SDK1: variants seen among roughly 807,000 people sequenced by gnomAD.
SDK1 encodes protein sidekick-1.
A neutral mutation model predicts 245.5 loss-of-function variants in SDK1; 157 were observed. That is an observed-to-expected ratio of 0.64 (90% CI 0.56 to 0.73). The LOEUF (loss-of-function observed/expected upper bound fraction) is 0.73. Among genes scored for constraint, SDK1 ranks in the 30% least tolerant of loss-of-function variants. SDK1 has a pLI of 0.00. For synonymous variants in SDK1, 1,647 were observed against 1,278.5 expected, an observed-to-expected ratio of 1.29 and a Z score of -6.15; for missense variants, 3,583 against 3,002.3, an observed-to-expected ratio of 1.19 and a Z score of -4.52.
At chr7:4,194,340 A>G (rs970418678) in intron 35 of SDK1, among the ~76,000 whole-genome samples, 1 of 126,774 alleles carries the variant, frequency 7.9e-6, no homozygotes, top group Non-Finnish European at 1.6e-5. Flanking sequence ...ATGTGTATAC[A>G]TGTATAGATA....
At chr7:3,841,997 T>G (rs1358371853) in intron 5 of SDK1, among the ~76,000 whole-genome samples, 1 of 152,168 alleles carries the variant, frequency 6.6e-6, no homozygotes, top group African/African-American at 2.4e-5. Flanking sequence ...TACTGACACC[T>G]CTCCTCCACC....
In SDK1 at chr7:3,608,026, G is replaced by C. The variant is rs562291537; in HGVS notation, c.299-11054G>C. Among the ~76,000 whole-genome samples, 4 of 152,312 alleles carry C rather than the reference G, an allele frequency of 2.6e-5. No homozygotes were observed. In the South Asian group the frequency reaches 8.3e-4, roughly 32 times the overall value. The stretch of plus-strand genomic sequence containing the variant: ...GTCCCCTTGTTGAGCTTTTGGCAAC[G>C]ATTTAAAAGCAGTCGTGAGAAAACT... On this transcript the variant is annotated intron_variant, in intron 1 of 44. Transcript: ENST00000404826.
At chr7:3,779,361 C>A (rs1434803357) in intron 4 of SDK1, among the ~76,000 whole-genome samples, 3 of 151,968 alleles carry the variant, frequency 2.0e-5, no homozygotes, top group Non-Finnish European at 2.9e-5. Flanking sequence ...ATTGTAGCTA[C>A]CAGAATGACA....
At chr7:3,754,601 C>G (rs6957538) in intron 4 of SDK1, among the ~76,000 whole-genome samples, 52,203 of 151,494 alleles carry the variant, frequency 0.34, 9,140 homozygotes, top group Middle Eastern at 0.45. Flanking sequence ...CTCCTTCCTC[C>G]CATCTCTTCC....
intron 21 of SDK1, 91 bp downstream of exon 21, chr7:4,077,280 C>T (rs1562775297): frequency 3.2e-6 from 4 of 1,258,602 alleles, no homozygotes; most frequent in Non-Finnish European, 4.4e-6. Flanking sequence ...GTGTGGAAGC[C>T]ACTGAGTGCC....
At chr7:3,709,825 G>A (rs1784992371) in intron 4 of SDK1, among the ~76,000 whole-genome samples, 1 of 152,278 alleles carries the variant, frequency 6.6e-6, no homozygotes, top group East Asian at 1.9e-4. Context: ...CCCACCAAAG[G>A]GTAGAAGCTG....
intron 17 of SDK1, among the ~76,000 whole-genome samples, chr7:4,019,737 G>T (rs780914631): frequency 2.0e-5 from 3 of 152,006 alleles, no homozygotes; most frequent in Non-Finnish European, 2.9e-5. Context: ...TTGGGGGTTG[G>T]TATACAGAGC....
chr7:3,326,548 A>G (rs1018723738), intron 1 of SDK1, among the ~76,000 whole-genome samples: 2 of 152,108 alleles, frequency 1.3e-5, no homozygotes, highest in African/African-American at 2.4e-5. Context: ...TGGCTCATAC[A>G]GTATGTCTTG....
intron 9 of SDK1, among the ~76,000 whole-genome samples, chr7:3,964,379 A>G (rs1342638302): frequency 6.6e-6 from 1 of 152,228 alleles, no homozygotes; most frequent in Non-Finnish European, 1.5e-5. Flanking sequence ...AGAAGTAGAA[A>G]AAACTCCCTT....
chr7:3,487,719 C>A (rs555570658), intron 1 of SDK1, among the ~76,000 whole-genome samples: 1 of 129,310 alleles, frequency 7.7e-6, no homozygotes, highest in Non-Finnish European at 1.5e-5. Flanking sequence ...CATGCCCCTG[C>A]ATTGCAGCCT....
chr7:3,488,384 A>T (rs1306994167), intron 1 of SDK1, among the ~76,000 whole-genome samples: 1 of 152,070 alleles, frequency 6.6e-6, no homozygotes, highest in East Asian at 1.9e-4. Flanking sequence ...CTTCTTTGAG[A>T]CACGATTTAA....
chr7:3,959,209 C>T (rs1781488046), intron 8 of SDK1, among the ~76,000 whole-genome samples, 195 bp downstream of exon 8: 1 of 152,098 alleles, frequency 6.6e-6, no homozygotes, highest in African/African-American at 2.4e-5. Context: ...TGCTTCCTCC[C>T]CTGCGAAACA....
At chr7:3,763,535 G>A (rs796487623) in intron 4 of SDK1, among the ~76,000 whole-genome samples, 15 of 152,200 alleles carry the variant, frequency 9.9e-5, no homozygotes, top group African/African-American at 3.6e-4. Flanking sequence ...ATCAGTACAC[G>A]TTGCCCCTAA....
intron 1 of SDK1, among the ~76,000 whole-genome samples, chr7:3,588,289 A>G (rs577922966): frequency 1.3e-5 from 2 of 152,336 alleles, no homozygotes; most frequent in South Asian, 4.1e-4. Flanking sequence ...ATAACGTTAT[A>G]TTTTCAGAAG....
At chr7:4,119,114 T>C (rs2128193662) in intron 25 of SDK1, among the ~76,000 whole-genome samples, 1 of 148,462 alleles carries the variant, frequency 6.7e-6, no homozygotes, top group Non-Finnish European at 1.5e-5. Context: ...AAAAAAAAGC[T>C]CAGCCTTCCT....
At chr7:3,937,467 C>T (rs574217340) in intron 5 of SDK1, among the ~76,000 whole-genome samples, 1 of 152,220 alleles carries the variant, frequency 6.6e-6, no homozygotes, top group Non-Finnish European at 1.5e-5. Flanking sequence ...AGTGTCCTCA[C>T]CGCTCTTCTT....
intron 35 of SDK1, among the ~76,000 whole-genome samples, chr7:4,192,276 T>TTTGTTTG (rs1170475893): frequency 1.2e-3 from 189 of 152,254 alleles, no homozygotes; most frequent in African/African-American, 4.4e-3. Flanking sequence ...AGATTTTTTG[T>TTTGTTTG]TTGTTTCTTT....
At chr7:3,702,273 T>C (rs1784762380) in intron 4 of SDK1, among the ~76,000 whole-genome samples, 1 of 152,250 alleles carries the variant, frequency 6.6e-6, no homozygotes, top group East Asian at 1.9e-4. Context: ...TTTCTCAAAA[T>C]TCTACAATTA....
intron 18 of SDK1, among the ~76,000 whole-genome samples, chr7:4,049,727 G>C (rs1350383644): frequency 2.6e-5 from 4 of 152,162 alleles, no homozygotes; most frequent in Non-Finnish European, 5.9e-5. Flanking sequence ...TTTAAATGGT[G>C]GGTGGGAGAC....
Sources: allele counts gnomAD v4.1 joint callset (sites outside exome capture counted in the v4.1 genomes callset), GRCh38; gene constraint gnomAD v4.1.1; transcripts MANE v1.5; gene names NCBI Gene and HGNC (gene_info 2026-07-23, HGNC 2026-07-21).